HPN: variants seen among roughly 807,000 people sequenced by gnomAD.
The protein encoded by HPN is hepsin, also known as serine protease hepsin.
In HPN, 13 loss-of-function variants were observed where a neutral mutation model predicts 55.9. That is an observed-to-expected ratio of 0.23 (90% CI 0.15 to 0.37). The LOEUF is 0.37. HPN is among the 10% of genes least tolerant of loss of function. HPN has a pLI of 1.00. For missense variants in HPN, 451 were observed against 575.8 expected (o/e 0.78, Z 2.22); for synonymous variants, 225 against 240.3 (o/e 0.94, Z 0.59).
upstream of HPN, among the ~76,000 whole-genome samples, chr19:35,040,970 C>A (rs1405590032): frequency 6.6e-6 from 1 of 152,148 alleles, no homozygotes; most frequent in Non-Finnish European, 1.5e-5. Flanking sequence ...TGTGGTTGAG[C>A]ACGGGCAGGT....
Position 35,060,377 on chromosome 19 carries a change from G to A in HPN, c.485G>A (p.Arg162His), listed in dbSNP as rs2064515502. ...GGCCGCAGGAAGCTGCCCGTGGACCGCATCGTGGGAGGCCGGGACACCAGC... is the reference window on the plus strand; with the variant it reads ...GGCCGCAGGAAGCTGCCCGTGGACCACATCGTGGGAGGCCGGGACACCAGC... ...DCGRRKLPVD[R>H]IVGGRDTSLG... The change falls in exon 8 of 13, where the codon CGC becomes CAC. Residue 162 changes from arginine to histidine, a missense_variant. This residue lies in a region of HPN where 378 missense variants were observed against 445.5 expected (regional missense o/e 0.85). Coordinates refer to ENST00000672452, the MANE Select transcript of HPN (RefSeq NM_001384133.1). 1.2e-6 allele frequency: 2 copies of A among 1,612,306 alleles called. No homozygotes were observed. Among genetic ancestry groups the A allele is most frequent in the Non-Finnish European group, 8.5e-7 (1 of 1,179,898 alleles).
rs1199598953 is a variant in HPN, at chr19:35,049,588, C to T, written c.160+72C>T. On this transcript the variant is annotated intron_variant, in intron 4 of 12. Transcript: ENST00000672452. ...GTGTATCTGGCGGGAGCTCAACAAG[C>T]GTATTTGTTGAATAAATGCACAAAT... 9 of 1,343,766 alleles carry T rather than the reference C, an allele frequency of 6.7e-6. No homozygotes were observed. In the Admixed American group the frequency reaches 8.2e-5, roughly 12 times the overall value. The allele number at this position is 1,343,766 out of a possible 1,614,324, so 83.2% of individuals were successfully genotyped here. A position where few individuals can be genotyped will look rare whatever the true frequency, so the allele number is the denominator to read the frequency against.
At chr19:35,052,534 CA>C (rs5827918) in intron 4 of HPN, among the ~76,000 whole-genome samples, 54,457 of 84,178 alleles carry the variant, frequency 0.65, 15,532 homozygotes, top group Middle Eastern at 0.77. Flanking sequence ...GAGTCTGTCT[CA>C]AAAAAAAAAA....
intron 4 of HPN, among the ~76,000 whole-genome samples, chr19:35,052,389 G>C (rs528843708): frequency 6.6e-6 from 1 of 152,022 alleles, no homozygotes; most frequent in Non-Finnish European, 1.5e-5. Context: ...TTGGCCAGGC[G>C]TGGTGGCGGG....
intron 2 of HPN, among the ~76,000 whole-genome samples, chr19:35,048,030 A>AAG (rs1555722918): frequency 2.6e-5 from 1 of 38,724 alleles, no homozygotes; most frequent in Non-Finnish European, 5.0e-5. Context: ...GAGAGAGAAA[A>AAG]AGAAAGAAAG....
intron 9 of HPN, among the ~76,000 whole-genome samples, chr19:35,061,181 C>T (rs1474978495): frequency 6.6e-6 from 1 of 152,196 alleles, no homozygotes; most frequent in Non-Finnish European, 1.5e-5. Context: ...AAGACTGTTT[C>T]ATCGGACAAA....
chr19:35,057,318 C>T (rs983977258), intron 4 of HPN, among the ~76,000 whole-genome samples: 5 of 151,194 alleles, frequency 3.3e-5, no homozygotes, highest in Non-Finnish European at 5.9e-5. Flanking sequence ...TCCAGCTACT[C>T]GGGAGGCTGA....
chr19:35,048,069 AAAG>A (rs1326473327), intron 2 of HPN, among the ~76,000 whole-genome samples: 2,458 of 56,474 alleles, frequency 0.044, 39 homozygotes, highest in African/African-American at 0.11. Flanking sequence ...AGAAAGAAAG[AAAG>A]AAAGAAAGAA....
intron 4 of HPN, among the ~76,000 whole-genome samples, chr19:35,058,647 GTAA>G (rs1445293926): frequency 5.5e-5 from 8 of 146,668 alleles, no homozygotes; most frequent in East Asian, 3.9e-4. Context: ...ATTATATTAT[GTAA>G]TAATAATACT....
intron 1 of HPN, chr19:35,042,158 CTT>C (rs1362814233): frequency 4.3e-6 from 5 of 1,174,532 alleles, no homozygotes; most frequent in African/African-American, 1.6e-5. Flanking sequence ...TTTCCCAAGA[CTT>C]ATGATTTCAG....
At chr19:35,065,382 G>A (rs772977483) in intron 10 of HPN, 37 bp downstream of exon 10, 47 of 1,587,322 alleles carry the variant, frequency 3.0e-5, no homozygotes, top group Non-Finnish European at 3.9e-5. Context: ...CCACCGTTTG[G>A]GAGACTCTGA....
chr19:35,051,717 G>C (rs993663580), intron 4 of HPN, among the ~76,000 whole-genome samples: 1 of 151,648 alleles, frequency 6.6e-6, no homozygotes, highest in African/African-American at 2.4e-5. Flanking sequence ...TGAATTCATT[G>C]CCATAGTAAA....
chr19:35,055,413 A>AG (rs397755902), intron 4 of HPN, among the ~76,000 whole-genome samples: 3 of 150,088 alleles, frequency 2.0e-5, no homozygotes, highest in Non-Finnish European at 4.4e-5. Context: ...GAAAAAAAAA[A>AG]GTGGCAGGGA....
At chr19:35,041,539 C>A, upstream of HPN, 1 of 725,836 alleles carries the variant, frequency 1.4e-6, no homozygotes, top group Non-Finnish European at 1.7e-6. Flanking sequence ...GTTCCCACAT[C>A]CCCGCAGACA....
At chr19:35,049,857 G>GTTTTTTT (rs1245207536) in intron 4 of HPN, among the ~76,000 whole-genome samples, 1 of 82,710 alleles carries the variant, frequency 1.2e-5, no homozygotes. Flanking sequence ...GCTAATTTTT[G>GTTTTTTT]TTTGTTTTTT....
At chr19:35,041,674 C>T, upstream of HPN, 1 of 1,120,174 alleles carries the variant, frequency 8.9e-7, no homozygotes, top group South Asian at 1.6e-5. Flanking sequence ...ATGGTCCGGC[C>T]CCTCCCCGCC....
chr19:35,059,927 C>T lies in HPN; in HGVS notation c.344C>T (p.Ser115Leu), dbSNP rs1412107967. 5 of 1,517,862 alleles carry T rather than the reference C, an allele frequency of 3.3e-6. No homozygotes were observed. The highest frequency in any genetic ancestry group is 2.6e-5 in the South Asian group (2 of 75,644). The allele number at this position is 1,517,862 out of a possible 1,614,324, so 94.0% of individuals were successfully genotyped here. The change falls in exon 6 of 13, where the codon TCG becomes TTG. Residue 115 changes from serine (S) to leucine (L), a missense_variant. Around this residue, in one of 2 missense-constraint regions of HPN, gnomAD observed 378 missense variants for 445.5 expected, o/e 0.85. Transcript: ENST00000672452. ...CGAACGGCGGGCGCCAATGGCACGT[C>T]GGGCTTCTTCTGTGTGGACGAGGGG... ...DVRTAGANGT[S>L]GFFCVDEGRL... is the part of the protein sequence containing the mutation.
chr19:35,060,389 G>T lies in HPN; in HGVS notation c.497G>T (p.Gly166Val). ...RKLPVDRIVG[G>V]RDTSLGRWPW... ...CTGCCCGTGGACCGCATCGTGGGAG[G>T]CCGGGACACCAGCTTGGGCCGGTGG... Residue 166 changes from glycine to valine, a missense_variant, in exon 8 of 13, where the codon GGC becomes GTC. Coordinates refer to ENST00000672452, the MANE Select transcript of HPN (RefSeq NM_001384133.1). 1 of 1,612,740 alleles carries T rather than the reference G, an allele frequency of 6.2e-7. No individual in the cohort carries two copies. Among genetic ancestry groups the T allele is most frequent in the Non-Finnish European group, 8.5e-7 (1 of 1,179,924 alleles).
At position 35,065,880 on chromosome 19, in the gene HPN, G is replaced by A; in HGVS notation, c.1063G>A (p.Gly355Ser). The A allele has an allele frequency of 6.2e-7, 1 of 1,614,108 alleles. No homozygotes were observed. Among genetic ancestry groups the A allele is most frequent in the East Asian group, 2.2e-5 (1 of 44,882 alleles). ...GIDACQGDSG[G>S]PFVCEDSISR... is the part of the protein sequence containing the mutation. ...TCTCCCCTCCCAGGGCGACAGCGGT[G>A]GTCCCTTTGTGTGTGAGGACAGCAT... The change falls in exon 12 of 13, where the codon GGT becomes AGT. Residue 355 changes from glycine to serine, a missense_variant. Transcript: ENST00000672452.
Sources: allele counts gnomAD v4.1 joint callset (sites outside exome capture counted in the v4.1 genomes callset), GRCh38; gene constraint gnomAD v4.1.1; regional missense constraint gnomAD v4.1.1; transcripts MANE v1.5; gene names NCBI Gene and HGNC (gene_info 2026-07-23, HGNC 2026-07-21).